Variants in CPED1 observed in about 807,000 individuals in gnomAD.
The protein encoded by CPED1 is cadherin like and PC-esterase domain containing 1, also known as cadherin-like and PC-esterase domain-containing protein 1.
CPED1 carries 114 observed loss-of-function variants against 128.2 expected under a neutral mutation model. That is an observed-to-expected ratio of 0.89 (90% confidence interval 0.76 to 1.04). The LOEUF (loss-of-function observed/expected upper bound fraction) is 1.04, where lower values mean the gene tolerates loss of function less well. Among genes scored for constraint, CPED1 ranks in the 50% least tolerant of loss-of-function variants. CPED1 has a pLI of 0.00. For missense variants in CPED1, 1,211 were observed against 1,207.1 expected (o/e 1.00, Z -0.05); for synonymous variants, 462 against 426.7 (o/e 1.08, Z -1.02).
chr7:121,281,530 T>C (rs1034723648), intron 22 of CPED1, among the ~76,000 whole-genome samples: 3 of 152,060 alleles, frequency 2.0e-5, no homozygotes, highest in African/African-American at 7.2e-5. Flanking sequence ...TCTATAATTA[T>C]AAACTGGCAG....
At chr7:121,047,424 T>A (rs1045332323) in intron 4 of CPED1, among the ~76,000 whole-genome samples, 2 of 152,180 alleles carry the variant, frequency 1.3e-5, no homozygotes, top group Non-Finnish European at 2.9e-5. Context: ...ACTCTTTATA[T>A]CGTGTGAACT....
chr7:120,991,492 G>C (rs1379158033), intron 2 of CPED1, among the ~76,000 whole-genome samples: 3 of 152,188 alleles, frequency 2.0e-5, no homozygotes, highest in Non-Finnish European at 4.4e-5. Flanking sequence ...TTAAAAAATA[G>C]TTGAGATAGT....
chr7:121,283,096 T>C (rs1792494714), intron 22 of CPED1, among the ~76,000 whole-genome samples: 1 of 152,240 alleles, frequency 6.6e-6, no homozygotes, highest in Admixed American at 6.5e-5. Flanking sequence ...TTCTTCTACA[T>C]AGAGACTCAA....
chr7:121,024,653 A>G (rs992731194), intron 3 of CPED1, among the ~76,000 whole-genome samples: 2 of 152,202 alleles, frequency 1.3e-5, no homozygotes, highest in Non-Finnish European at 2.9e-5. Flanking sequence ...AAATTTGATA[A>G]GTAATTTACT....
chr7:121,064,862 T>C (rs142416729), intron 5 of CPED1, among the ~76,000 whole-genome samples: 1 of 152,178 alleles, frequency 6.6e-6, no homozygotes, highest in East Asian at 1.9e-4. Context: ...AGAAGGTATA[T>C]GAACCCTCAT....
chr7:121,150,795 G>T (rs1018568959), intron 16 of CPED1, among the ~76,000 whole-genome samples: 1 of 151,160 alleles, frequency 6.6e-6, no homozygotes, highest in Non-Finnish European at 1.5e-5. Context: ...TAGAGATGGA[G>T]TCTCGCTCTG....
intron 7 of CPED1, among the ~76,000 whole-genome samples, chr7:121,113,733 A>G (rs1384275104): frequency 6.6e-6 from 1 of 152,178 alleles, no homozygotes; most frequent in Non-Finnish European, 1.5e-5. Flanking sequence ...TGGAGACGAA[A>G]CCTGAAGAGC....
chr7:121,220,622 T>C (rs924945929), intron 16 of CPED1, among the ~76,000 whole-genome samples: 3 of 152,062 alleles, frequency 2.0e-5, no homozygotes, highest in Non-Finnish European at 2.9e-5. Context: ...CTATCAGTTC[T>C]CTTCTTTTCT....
At chr7:121,159,916 G>A (rs1204566292) in intron 16 of CPED1, among the ~76,000 whole-genome samples, 1 of 152,080 alleles carries the variant, frequency 6.6e-6, no homozygotes, top group African/African-American at 2.4e-5. Flanking sequence ...TATTTTAAAA[G>A]TTATGATCTA....
intron 13 of CPED1, among the ~76,000 whole-genome samples, chr7:121,135,138 A>T (rs146485911): frequency 6.6e-6 from 1 of 152,018 alleles, no homozygotes; most frequent in Non-Finnish European, 1.5e-5. Flanking sequence ...GGAAAAATCA[A>T]TGGTGACTTA....
intron 21 of CPED1, among the ~76,000 whole-genome samples, chr7:121,270,693 C>T (rs753244674): frequency 2.2e-4 from 34 of 151,830 alleles, no homozygotes; most frequent in Non-Finnish European, 3.2e-4. Context: ...GTTATAGGTG[C>T]GGCTTTTTTC....
At chr7:121,283,120 A>G (rs1355601422) in intron 22 of CPED1, among the ~76,000 whole-genome samples, 1 of 152,220 alleles carries the variant, frequency 6.6e-6, no homozygotes, top group Non-Finnish European at 1.5e-5. Context: ...GCCCTTTGGT[A>G]CATAGTTCTG....
intron 3 of CPED1, among the ~76,000 whole-genome samples, chr7:121,017,743 T>C (rs1382420042): frequency 1.3e-5 from 2 of 152,180 alleles, no homozygotes; most frequent in Non-Finnish European, 2.9e-5. Flanking sequence ...CCTCTTTCCC[T>C]TGATGTTCTT....
At chr7:121,165,546 T>C (rs1008897056) in intron 16 of CPED1, among the ~76,000 whole-genome samples, 3 of 152,306 alleles carry the variant, frequency 2.0e-5, no homozygotes, top group Middle Eastern at 3.4e-3. Flanking sequence ...TTTGACCAAG[T>C]CATACATCAT....
intron 2 of CPED1, among the ~76,000 whole-genome samples, chr7:121,009,869 T>A (rs1436135257): frequency 6.6e-6 from 1 of 152,202 alleles, no homozygotes; most frequent in Non-Finnish European, 1.5e-5. Context: ...GATGCAAATA[T>A]TGAACCTTTG....
At chr7:121,076,837 A>G (rs930180663) in intron 5 of CPED1, among the ~76,000 whole-genome samples, 20 of 152,148 alleles carry the variant, frequency 1.3e-4, no homozygotes, top group African/African-American at 4.6e-4. Context: ...GTGAGGGTGT[A>G]TGATATATGG....
At chr7:121,078,055 GT>G (rs1434485514) in intron 5 of CPED1, among the ~76,000 whole-genome samples, 2 of 148,898 alleles carry the variant, frequency 1.3e-5, no homozygotes, top group Non-Finnish European at 3.0e-5. Flanking sequence ...TTTTTGTTTT[GT>G]TTTTGTTTTT....
rs1796264337 is a variant in CPED1 at position 120,988,880 on chromosome 7, T to A, written c.-264T>A. ...CAATCCATTAGGAAATCATGGAAAC[T>A]TTTTTTTTCCTGGCTAAAAGGATGA... On this transcript the variant is annotated 5_prime_UTR_variant, in exon 1 of 23. Transcript: ENST00000310396. 6.8e-6 allele frequency: 1 copy of A among 146,642 alleles called. No individual in the cohort carries two copies. Among genetic ancestry groups the A allele is most frequent in the Admixed American group, 6.7e-5 (1 of 15,006 alleles). 9.1% of individuals were successfully genotyped at this position (146,642 alleles called of 1,614,324 possible).
chr7:121,110,085 A>C (rs1001612463), intron 7 of CPED1, among the ~76,000 whole-genome samples: 21 of 152,190 alleles, frequency 1.4e-4, no homozygotes, highest in Non-Finnish European at 2.2e-4. Context: ...GTGCAGTAAG[A>C]AAGTCCTTGT....
Sources: gnomAD v4.1 joint callset for allele counts (sites outside exome capture counted in the v4.1 genomes callset) on GRCh38, gnomAD v4.1.1 for gene constraint, MANE v1.5 for transcripts, NCBI Gene and HGNC (gene_info 2026-07-23, HGNC 2026-07-21) for gene names.